RNF40: variants seen among roughly 807,000 people sequenced by gnomAD.
RNF40 encodes the protein ring finger protein 40, also known as E3 ubiquitin-protein ligase BRE1B.
Under a neutral mutation model 123.3 loss-of-function variants are expected in RNF40, and 39 were observed. That is an observed-to-expected ratio of 0.32 (90% CI 0.24 to 0.41). The LOEUF (loss-of-function observed/expected upper bound fraction) is 0.41, where lower values mean the gene tolerates loss of function less well. RNF40 is among the 10% of genes least tolerant of loss of function. The probability of loss-of-function intolerance (pLI) is 1.00; values close to 1 mark genes in which losing one functional copy is unlikely to be tolerated. For synonymous variants in RNF40, 538 were observed against 526.0 expected (o/e 1.02, Z -0.31); for missense variants, 1,003 against 1,319.9 (o/e 0.76, Z 3.72).
upstream of RNF40, chr16:30,761,693 T>C (rs776050196): frequency 1.3e-5 from 20 of 1,535,540 alleles, no homozygotes; most frequent in Admixed American, 9.8e-5. Context: ...GGAGAGATGT[T>C]CAAGCTCCGA....
chr16:30,766,389 G>A lies in RNF40; in HGVS notation c.1124G>A (p.Arg375Gln), dbSNP rs200109677. 513 of 1,612,842 alleles carry A rather than the reference G, an allele frequency of 3.2e-4. No individual in the cohort carries two copies. The highest frequency in any genetic ancestry group is 3.9e-4 in the Non-Finnish European group (454 of 1,179,200). ...GCATCCCTGCCCCAGGTGGCCCTGC[G>A]GAGCCTTCCTGAGGAGGTAGTGCGG... is the stretch of plus-strand genomic sequence containing the variant. Reference protein sequence around the residue: ...RTNERLKVALRSLPEEVVRET... With the variant: ...RTNERLKVALQSLPEEVVRET... The change falls in exon 10 of 20, where the codon CGG (arginine) becomes CAG (glutamine). Residue 375 changes from arginine (R) to glutamine (Q), a missense_variant. Coordinates refer to ENST00000324685, the MANE Select transcript of RNF40 (RefSeq NM_014771.4). This position sits in a 1 kb window ranked among gnomAD's most constrained non-coding sequence, Gnocchi z 5.4.
chr16:30,769,734 C>T, intron 17 of RNF40, 134 bp downstream of exon 17: 3 of 983,430 alleles, frequency 3.1e-6, no homozygotes, highest in Non-Finnish European at 4.4e-6. Context: ...ACATATTGAA[C>T]ATTTACATGT....
At chr16:30,772,435 CAG>C (rs1194082621) in intron 19 of RNF40, 3 of 609,236 alleles carry the variant, frequency 4.9e-6, no homozygotes, top group East Asian at 2.9e-5. Flanking sequence ...AACTGACAGT[CAG>C]GGGAGGAGGC....
rs2054079684 is a variant in RNF40 at position 30,768,401 on chromosome 16, G to A, written c.1850G>A (p.Arg617Gln). Residue 617 changes from arginine to glutamine, a missense_variant, in exon 13 of 20, where the codon CGG becomes CAG. By Grantham distance (43) the Arg-to-Gln change is conservative. Coordinates refer to ENST00000324685, the MANE Select transcript of RNF40 (RefSeq NM_014771.4). The surrounding 1 kb of genome is among the most constrained non-coding windows in gnomAD (Gnocchi z 4.1). ...AGGCCCAAGCGGGAGCTTCGGGAAC[G>A]GGAAGGTCCCAGCCTAGGACCTCCA... ...EARPKRELREREGPSLGPPPV... is the reference protein window; with the variant it reads ...EARPKRELREQEGPSLGPPPV... The A allele has an allele frequency of 5.6e-6, 9 of 1,613,708 alleles. No individual in the cohort carries two copies. The highest frequency in any genetic ancestry group is 2.2e-5 in the South Asian group (2 of 91,066).
In RNF40 at chr16:30,775,365, C is replaced by T. The variant is rs2054215021; in HGVS notation, c.*1251C>T. The T allele has an allele frequency of 3.9e-6, 1 of 258,412 alleles. No individual in the cohort carries two copies. The highest frequency in any genetic ancestry group is 2.3e-5 in the African/African-American group (1 of 44,206). 16.0% of individuals were successfully genotyped at this position (258,412 alleles called of 1,614,324 possible). A position where few individuals can be genotyped will look rare whatever the true frequency, so the allele number is the denominator to read the frequency against. On this transcript the variant is annotated 3_prime_UTR_variant, in exon 20 of 20. Coordinates refer to ENST00000324685, the MANE Select transcript of RNF40 (RefSeq NM_014771.4). ...GGTGGTCGTCGCGGAGCCGCCTGTCCTGCTCCCACCGACCCCGGTCTGACC... is the reference window on the plus strand; with the variant it reads ...GGTGGTCGTCGCGGAGCCGCCTGTCTTGCTCCCACCGACCCCGGTCTGACC...
At position 30,762,606 on chromosome 16, in the gene RNF40, A is replaced by G. The variant is rs1350656812; in HGVS notation, c.61A>G (p.Lys21Glu). The stretch of plus-strand genomic sequence containing the variant: ...CGGGGGCTCAGGGCCCCCGGAAAAG[A>G]AGCTGAGTCGTGAGGAGAAGACCAC... ...GDGGSGPPEKKLSREEKTTTT... is the reference protein window; with the variant it reads ...GDGGSGPPEKELSREEKTTTT... The change falls in exon 2 of 20, where the codon AAG becomes GAG. Residue 21 changes from lysine (K) to glutamate (E), a missense_variant. Physicochemically the swap from Lys to Glu is moderately conservative, Grantham distance 56 (BLOSUM62 1). Coordinates refer to ENST00000324685, the MANE Select transcript of RNF40 (RefSeq NM_014771.4). 6.2e-7 allele frequency: 1 copy of G among 1,610,236 alleles called. No homozygotes were observed.
chr16:30,769,495 T>C lies in RNF40; in HGVS notation c.2481T>C (p.Thr827=), dbSNP rs2151332141. The C allele has an allele frequency of 6.2e-7, 1 of 1,613,864 alleles. No individual in the cohort carries two copies. Among genetic ancestry groups the C allele is most frequent in the East Asian group, 2.2e-5 (1 of 44,864 alleles). The stretch of plus-strand genomic sequence containing the variant: ...CTTAGGTGGATGCCCAGCTGCTGAC[T>C]GTGCAGAAGCTAGAGGAGAAGGAGC... ...LKSQVDAQLL[T]VQKLEEKERA... Residue 827 remains threonine, a synonymous_variant, in exon 17 of 20, where the codon ACT becomes ACC. Coordinates refer to ENST00000324685, the MANE Select transcript of RNF40 (RefSeq NM_014771.4).
At chr16:30,767,477 C>T (rs113881947) in intron 11 of RNF40, among the ~76,000 whole-genome samples, 1,860 of 151,272 alleles carry the variant, frequency 0.012, 23 homozygotes, top group South Asian at 0.034. Context: ...GTTACCTTCT[C>T]TATTAAAGGG....
chr16:30,767,014 C>A lies in RNF40; in HGVS notation c.1429+138C>A. 6.9e-6 allele frequency: 8 copies of A among 1,164,538 alleles called. 1 individual carries two copies. The South Asian group carries it at 1.1e-4, about 16-fold the overall frequency. The allele number at this position is 1,164,538 out of a possible 1,614,324, so 72.1% of individuals were successfully genotyped here. A position where few individuals can be genotyped will look rare whatever the true frequency, so the allele number is the denominator to read the frequency against. On this transcript the variant is annotated intron_variant, in intron 11 of 19. Coordinates refer to ENST00000324685, the MANE Select transcript of RNF40 (RefSeq NM_014771.4). The stretch of plus-strand genomic sequence containing the variant: ...CTCGGCTTCCTATGCAAAACAGGGC[C>A]TGCACTGCTTGGCTCCCAGGCACAG...
At chr16:30,767,774 G>A (rs2054065502) in intron 11 of RNF40, 120 bp from the exon 12 acceptor site, 1 of 1,352,928 alleles carries the variant, frequency 7.4e-7, no homozygotes, top group Non-Finnish European at 1.0e-6. Context: ...GCTCCGTTGA[G>A]GCCGCAATGT....
At chr16:30,763,581 C>G in intron 4 of RNF40, 22 bp downstream of exon 4, 1 of 1,613,156 alleles carries the variant, frequency 6.2e-7, no homozygotes, top group Non-Finnish European at 8.5e-7. Context: ...GTGCTGGGAT[C>G]TGGGGAGCTT....
chr16:30,764,707 G>A (rs1479994872), intron 5 of RNF40, among the ~76,000 whole-genome samples: 1 of 152,200 alleles, frequency 6.6e-6, no homozygotes, highest in East Asian at 1.9e-4. Context: ...AGGTTGACAG[G>A]CTTCTCCCAC....
At chr16:30,764,142 G>A (rs2053978802) in intron 4 of RNF40, 37 bp from the exon 5 acceptor site, 12 of 1,560,084 alleles carry the variant, frequency 7.7e-6, no homozygotes, top group East Asian at 2.3e-5. Flanking sequence ...AGTAACTGCT[G>A]CTCTTATCCT....
At position 30,775,181 on chromosome 16, in the gene RNF40, C is replaced by T. The variant is rs987795618; in HGVS notation, c.*1067C>T. 3 of 355,340 alleles carry T rather than the reference C, an allele frequency of 8.4e-6. No individual in the cohort carries two copies. The highest frequency in any genetic ancestry group is 7.9e-5 in the East Asian group (1 of 12,660). 22.0% of individuals were successfully genotyped at this position (355,340 alleles called of 1,614,324 possible). A position where few individuals can be genotyped will look rare whatever the true frequency, so the allele number is the denominator to read the frequency against. On this transcript the variant is annotated 3_prime_UTR_variant, in exon 20 of 20. Transcript: ENST00000324685. Reference sequence around the variant, plus strand: ...TTGTGATGAATAAACGTTCAACCCTCGGCCTGCAGCCAGAGTAGCCAGGCC... The same window carrying T: ...TTGTGATGAATAAACGTTCAACCCTTGGCCTGCAGCCAGAGTAGCCAGGCC...
upstream of RNF40, chr16:30,762,194 C>T (rs1046628985): frequency 2.2e-5 from 7 of 325,192 alleles, no homozygotes; most frequent in Admixed American, 3.5e-4. Context: ...AGTGGCGGGA[C>T]CAAGCGTAAC....
chr16:30,764,422 C>T (rs746702723), intron 5 of RNF40, 37 bp downstream of exon 5: 20 of 1,552,822 alleles, frequency 1.3e-5, no homozygotes, highest in Non-Finnish European at 1.8e-5. Flanking sequence ...GGGTGTCCAT[C>T]CCCACCTGCA....
intron 5 of RNF40, 38 bp from the exon 6 acceptor site, chr16:30,764,900 C>A: frequency 1.3e-6 from 2 of 1,598,322 alleles, no homozygotes; most frequent in Non-Finnish European, 1.7e-6. Context: ...TGCCCCATTG[C>A]CCTGAGCTGG....
chr16:30,765,369 C>T, intron 7 of RNF40, 42 bp downstream of exon 7: 1 of 1,614,080 alleles, frequency 6.2e-7, no homozygotes, highest in South Asian at 1.1e-5. Context: ...AGGCTGGGCC[C>T]TTGGGCCTTA....
intron 6 of RNF40, 21 bp downstream of exon 6, chr16:30,765,080 G>A (rs200322503): frequency 8.6e-5 from 139 of 1,613,050 alleles, no homozygotes; most frequent in Non-Finnish European, 1.2e-4. Context: ...GGGGGCTTTG[G>A]GGGTGTGATT....
Sources: allele counts gnomAD v4.1 joint callset (sites outside exome capture counted in the v4.1 genomes callset), GRCh38; gene constraint gnomAD v4.1.1; non-coding constraint Gnocchi (gnomAD v3.1); transcripts MANE v1.5; gene names NCBI Gene and HGNC (gene_info 2026-07-23, HGNC 2026-07-21).